OCM: variants seen among roughly 807,000 people sequenced by gnomAD.
OCM encodes the protein oncomodulin.
In OCM, 18 loss-of-function variants were observed where a neutral mutation model predicts 14.1. The observed-to-expected ratio is 1.28, with a 90% CI of 0.88 to 1.89. The LOEUF (loss-of-function observed/expected upper bound fraction) is 1.89, where lower values mean the gene tolerates loss of function less well. Among genes scored for constraint, OCM ranks in the 40% most tolerant of loss-of-function variants. The pLI, the probability that OCM is intolerant of heterozygous loss-of-function variation, is 0.00. For missense variants in OCM, 140 were observed against 137.6 expected, an observed-to-expected ratio of 1.02 and a Z score of -0.09; for synonymous variants, 48 against 51.0, an observed-to-expected ratio of 0.94 and a Z score of 0.25.
At chr7:5,878,252 TGCGCCCGGCC>T (rs1283753106), upstream of OCM, among the ~76,000 whole-genome samples, 3 of 150,454 alleles carry the variant, frequency 2.0e-5, no homozygotes, top group Non-Finnish European at 4.4e-5. Flanking sequence ...CATGAGCCAC[TGCGCCCGGCC>T]AGTAGTCAAA....
chr7:5,865,876 A>G, the OCM span, among the ~76,000 whole-genome samples: 1 of 152,210 alleles, frequency 6.6e-6, no homozygotes, highest in Non-Finnish European at 1.5e-5. Context: ...AAGAAAATGC[A>G]TATACACATC....
At position 5,882,557 on chromosome 7, in the gene OCM, T is replaced by C; in HGVS notation, c.126T>C (p.Asn42=). ...QTSGLSKMSA[N]QVKDVFRFID... Reference sequence around the variant, plus strand: ...CAGGCCTCTCCAAGATGTCAGCCAATCAGGTGAAGGATGTTTTCCGGTTCA... The same window carrying C: ...CAGGCCTCTCCAAGATGTCAGCCAACCAGGTGAAGGATGTTTTCCGGTTCA... The change falls in exon 2 of 4, where the codon AAT becomes AAC. Residue 42 remains asparagine (N), a synonymous_variant. Transcript: ENST00000242104. 6.2e-7 allele frequency: 1 copy of C among 1,614,042 alleles called. No homozygotes were observed. The highest frequency in any genetic ancestry group is 8.5e-7 in the Non-Finnish European group (1 of 1,180,022).
At chr7:5,865,530 G>T in the OCM span, among the ~76,000 whole-genome samples, 2 of 151,934 alleles carry the variant, frequency 1.3e-5, no homozygotes, top group African/African-American at 4.8e-5. Flanking sequence ...CATTTATGGT[G>T]GCCATCCCAT....
At chr7:5,864,910 C>A in the OCM span, among the ~76,000 whole-genome samples, 1 of 151,964 alleles carries the variant, frequency 6.6e-6, no homozygotes, top group Non-Finnish European at 1.5e-5. Context: ...TACACTCCAG[C>A]CTGGGCAACA....
chr7:5,867,325 A>G, the OCM span, among the ~76,000 whole-genome samples: 7 of 152,194 alleles, frequency 4.6e-5, no homozygotes, highest in Middle Eastern at 6.8e-3. Context: ...AAAAAAGAAG[A>G]GAAGTCTGAT....
the OCM span, among the ~76,000 whole-genome samples, chr7:5,861,574 T>C: frequency 6.6e-6 from 1 of 152,116 alleles, no homozygotes; most frequent in African/African-American, 2.4e-5. Context: ...AGAGAGTTGC[T>C]CAGTACTTGG....
the OCM span, among the ~76,000 whole-genome samples, chr7:5,860,365 C>CATATAT: frequency 2.7e-4 from 37 of 137,296 alleles, no homozygotes; most frequent in Middle Eastern, 3.9e-3. Context: ...TATATATATG[C>CATATAT]ATATATATAT....
upstream of OCM, among the ~76,000 whole-genome samples, chr7:5,878,797 G>A (rs10237467): frequency 0.32 from 47,646 of 147,402 alleles, 8,302 homozygotes; most frequent in African/African-American, 0.43. Context: ...ATGGAATGTG[G>A]TTTTACCACA....
chr7:5,886,065 A>G lies in OCM; in HGVS notation c.306A>G (p.Glu102=). ...CTGTTCTCACCTCTTCTGTTCTAGA[A>G]TTCCAGGAAATGGTGCATTCTTAAA... is the stretch of plus-strand genomic sequence containing the variant. ...NDGDGKIGAE[E]FQEMVHS Residue 102 remains glutamate (E), a splice_region_variant and synonymous_variant, in exon 4 of 4, where the codon GAA becomes GAG. Coordinates refer to ENST00000242104, the MANE Select transcript of OCM (RefSeq NM_001097622.2). The G allele has an allele frequency of 6.2e-7, 1 of 1,614,136 alleles. No individual in the cohort carries two copies. The highest frequency in any genetic ancestry group is 8.5e-7 in the Non-Finnish European group (1 of 1,180,002).
upstream of OCM, among the ~76,000 whole-genome samples, chr7:5,879,512 G>C (rs1781165103): frequency 2.6e-5 from 4 of 152,064 alleles, no homozygotes; most frequent in Admixed American, 2.6e-4. Flanking sequence ...AAACAGGCCT[G>C]CCTCCAACGG....
At chr7:5,866,354 G>A in the OCM span, among the ~76,000 whole-genome samples, 6 of 106,370 alleles carry the variant, frequency 5.6e-5, no homozygotes, top group Admixed American at 1.0e-4. Flanking sequence ...GAGAGGGAGG[G>A]AGGAAAGGAG....
chr7:5,860,690 ATAT>A, the OCM span, among the ~76,000 whole-genome samples: 2 of 70,958 alleles, frequency 2.8e-5, no homozygotes, highest in South Asian at 9.0e-4. Flanking sequence ...ACGTGTGTAT[ATAT>A]TATTACGTAT....
chr7:5,866,212 G>A, the OCM span, among the ~76,000 whole-genome samples: 101 of 151,394 alleles, frequency 6.7e-4, no homozygotes, highest in African/African-American at 2.4e-3. Context: ...GTAGTCCCAG[G>A]TACTTTAGAG....
the OCM span, among the ~76,000 whole-genome samples, chr7:5,866,025 G>A: frequency 6.6e-6 from 1 of 151,942 alleles, no homozygotes. Flanking sequence ...TTGTACAAAA[G>A]TCCAGTATTT....
chr7:5,875,527 C>T (rs1781078529), upstream of OCM, among the ~76,000 whole-genome samples: 1 of 152,034 alleles, frequency 6.6e-6, no homozygotes, highest in Non-Finnish European at 1.5e-5. Context: ...TGGCTGGTCT[C>T]GAATTCCTGG....
upstream of OCM, among the ~76,000 whole-genome samples, chr7:5,878,127 G>C (rs1781132540): frequency 6.6e-6 from 1 of 151,140 alleles, no homozygotes; most frequent in African/African-American, 2.4e-5. Context: ...ACCACGCCCA[G>C]CTAATTTTTG....
chr7:5,866,817 T>C, the OCM span, among the ~76,000 whole-genome samples: 1 of 152,154 alleles, frequency 6.6e-6, no homozygotes, highest in Non-Finnish European at 1.5e-5. Context: ...AGAAGACATA[T>C]CTGTGGAGGG....
chr7:5,866,032 A>G, the OCM span, among the ~76,000 whole-genome samples: 17 of 151,510 alleles, frequency 1.1e-4, no homozygotes, highest in African/African-American at 3.6e-4. Context: ...AAAGTCCAGT[A>G]TTTTTCTGCT....
chr7:5,870,233 C>G, the OCM span, among the ~76,000 whole-genome samples: 1 of 152,084 alleles, frequency 6.6e-6, no homozygotes, highest in South Asian at 2.1e-4. Context: ...ACCTCAGGCT[C>G]CTGAATAGCT....
Sources: gnomAD v4.1 joint callset for allele counts (sites outside exome capture counted in the v4.1 genomes callset) on GRCh38, gnomAD v4.1.1 for gene constraint, MANE v1.5 for transcripts, NCBI Gene and HGNC (gene_info 2026-07-23, HGNC 2026-07-21) for gene names.